Variants in CMTM1 observed in about 807,000 individuals in gnomAD.
CMTM1 encodes the protein CKLF-like MARVEL transmembrane domain-containing protein 1.
In CMTM1, 16 loss-of-function variants were observed where a neutral mutation model predicts 17.8. The observed-to-expected ratio is 0.90, with a 90% CI of 0.61 to 1.37. The LOEUF (loss-of-function observed/expected upper bound fraction) is 1.37, where lower values mean the gene tolerates loss of function less well. CMTM1 is among the 40% of genes most tolerant of loss of function. The probability of loss-of-function intolerance (pLI) is 0.00; values close to 1 mark genes in which losing one functional copy is unlikely to be tolerated. For missense variants in CMTM1, 354 were observed against 375.6 expected (o/e 0.94, Z 0.47); for synonymous variants, 169 against 154.6 (o/e 1.09, Z -0.69).
chr16:66,574,194 G>A (rs1031857441), intron 2 of CMTM1, among the ~76,000 whole-genome samples: 7 of 152,208 alleles, frequency 4.6e-5, no homozygotes, highest in East Asian at 1.9e-4. Context: ...GGTATTTAGC[G>A]GAGAAAGAAA....
At chr16:66,573,039 G>T (rs1163702935) in intron 2 of CMTM1, among the ~76,000 whole-genome samples, 1 of 152,154 alleles carries the variant, frequency 6.6e-6, no homozygotes, top group African/African-American at 2.4e-5. Flanking sequence ...CAGTCTCTGA[G>T]TTGCAGCTGT....
At chr16:66,573,056 T>C (rs1257493703) in intron 2 of CMTM1, among the ~76,000 whole-genome samples, 1 of 152,068 alleles carries the variant, frequency 6.6e-6, no homozygotes, top group African/African-American at 2.4e-5. Flanking sequence ...CTGTGAAGGG[T>C]GTGCCAGGGA....
intron 3 of CMTM1, 95 bp from the exon 4 acceptor site, chr16:66,578,736 G>A (rs377635853): frequency 6.6e-7 from 1 of 1,525,902 alleles, no homozygotes; most frequent in Admixed American, 1.9e-5. Context: ...GCCACCCGCA[G>A]CGCCCACCCT....
rs138006981 is a variant in CMTM1, at chr16:66,571,969, T to C, written c.591+1875T>C. ...GTCACAGGAAGTTCAGCCCAGCTCT[T>C]GCAGGGTTACAGGCCTTTGGTCAAC... On this transcript the variant is annotated intron_variant, in intron 2 of 3. Transcript: ENST00000379500. 5.0e-3 allele frequency among the ~76,000 whole-genome samples: 767 copies of C among 152,360 alleles called. 7 individuals carry two copies. Among genetic ancestry groups the C allele is most frequent in the African/African-American group, 0.018 (744 of 41,574 alleles).
intron 2 of CMTM1, among the ~76,000 whole-genome samples, chr16:66,572,385 G>C (rs535461653): frequency 6.6e-6 from 1 of 152,284 alleles, no homozygotes; most frequent in South Asian, 2.1e-4. Flanking sequence ...TGCTCTTTCA[G>C]ATTCTGTGAG....
At chr16:66,569,560 C>T (rs1053571337) in intron 1 of CMTM1, among the ~76,000 whole-genome samples, 1 of 152,166 alleles carries the variant, frequency 6.6e-6, no homozygotes, top group Non-Finnish European at 1.5e-5. Flanking sequence ...AGATAATCAG[C>T]AGCTGTTTGG....
chr16:66,579,101 G>T lies in CMTM1; in HGVS notation c.*100G>T. 6.8e-7 allele frequency: 1 copy of T among 1,466,460 alleles called. No individual in the cohort carries two copies. The highest frequency in any genetic ancestry group is 9.1e-7 in the Non-Finnish European group (1 of 1,100,912). 90.8% of individuals were successfully genotyped at this position (1,466,460 alleles called of 1,614,324 possible). ...CTGTCACCCATTCCAGCCTAAATGTGACCATAAAATTAGGGCTGCTGCTTT... is the reference window on the plus strand; with the variant it reads ...CTGTCACCCATTCCAGCCTAAATGTTACCATAAAATTAGGGCTGCTGCTTT... On this transcript the variant is annotated 3_prime_UTR_variant, in exon 4 of 4. Transcript: ENST00000379500. The surrounding 1 kb of genome is among the most constrained non-coding windows in gnomAD (Gnocchi z 6.5).
At chr16:66,571,360 G>A in intron 2 of CMTM1, 1 of 356,096 alleles carries the variant, frequency 2.8e-6, no homozygotes, top group Non-Finnish European at 5.5e-6. Context: ...GTGAGGTTAT[G>A]GTCACCCCTC....
chr16:66,578,152 G>T (rs552834229), intron 3 of CMTM1, among the ~76,000 whole-genome samples: 1 of 152,146 alleles, frequency 6.6e-6, no homozygotes, highest in South Asian at 2.1e-4. Flanking sequence ...GGTCCCCATC[G>T]GCTGACTCCG....
Position 66,566,456 on chromosome 16 carries a change from G to A in CMTM1, c.-58G>A. 7 of 1,504,132 alleles carry A rather than the reference G, an allele frequency of 4.7e-6. No homozygotes were observed. The highest frequency in any genetic ancestry group is 2.9e-5 in the African/African-American group (2 of 70,062). The allele number at this position is 1,504,132 out of a possible 1,614,324, so 93.2% of individuals were successfully genotyped here. ...GTTGGGACGCGACGCTGGTTCCCAG[G>A]GGAGAGCCAGCCGCTGCCGCGGCAC... On this transcript the variant is annotated 5_prime_UTR_variant, in exon 1 of 4. Coordinates refer to ENST00000379500, the MANE Select transcript of CMTM1 (RefSeq NM_052999.4). This position sits in a 1 kb window ranked among gnomAD's most constrained non-coding sequence, Gnocchi z 4.9.
At chr16:66,577,001 G>GT (rs1567378745) in intron 2 of CMTM1, 103 bp from the exon 3 acceptor site, 14 of 997,916 alleles carry the variant, frequency 1.4e-5, no homozygotes, top group South Asian at 3.5e-5. Context: ...CAAATGGAAG[G>GT]TTTTTTAAAG....
At chr16:66,567,125 A>G (rs935036468) in intron 1 of CMTM1, 180 bp downstream of exon 1, 4 of 674,140 alleles carry the variant, frequency 5.9e-6, no homozygotes, top group African/African-American at 1.9e-5. Flanking sequence ...CTTTCCTACT[A>G]AACTTGCCTC....
chr16:66,567,084 C>A, intron 1 of CMTM1, 139 bp downstream of exon 1: 1 of 810,796 alleles, frequency 1.2e-6, no homozygotes, highest in South Asian at 1.4e-5. Context: ...ACCTTTCCTC[C>A]CCACCACCCC....
chr16:66,567,391 G>C, intron 1 of CMTM1: 1 of 285,838 alleles, frequency 3.5e-6, no homozygotes, highest in Non-Finnish European at 6.8e-6. Context: ...TCACTTATGA[G>C]TGAGAACATG....
intron 1 of CMTM1, 75 bp downstream of exon 1, chr16:66,567,020 C>G (rs2012554091): frequency 6.7e-7 from 1 of 1,485,044 alleles, no homozygotes; most frequent in African/African-American, 1.4e-5. Flanking sequence ...CCACGGGGTG[C>G]CAGCTCCAGA....
At chr16:66,578,558 C>T (rs1184271174) in intron 3 of CMTM1, among the ~76,000 whole-genome samples, 1 of 152,216 alleles carries the variant, frequency 6.6e-6, no homozygotes, top group African/African-American at 2.4e-5. Context: ...CCTAGGGCCA[C>T]TGCCCTTCCC....
chr16:66,575,001 G>A (rs922026988), intron 2 of CMTM1: 2 of 985,210 alleles, frequency 2.0e-6, no homozygotes, highest in Non-Finnish European at 2.4e-6. Flanking sequence ...TGCCCACTAT[G>A]GGCAGACCTC....
At chr16:66,573,784 T>C (rs2013882608) in intron 2 of CMTM1, among the ~76,000 whole-genome samples, 1 of 150,884 alleles carries the variant, frequency 6.6e-6, no homozygotes, top group South Asian at 2.1e-4. Context: ...CCTCCCAGGT[T>C]CAAGCAATTC....
intron 1 of CMTM1, chr16:66,567,348 T>A (rs1023894905): frequency 1.6e-5 from 5 of 314,010 alleles, no homozygotes; most frequent in African/African-American, 1.1e-4. Flanking sequence ...GATGTTCCCC[T>A]CCCTGTGTCC....
Sources: allele counts gnomAD v4.1 joint callset (sites outside exome capture counted in the v4.1 genomes callset), GRCh38; gene constraint gnomAD v4.1.1; non-coding constraint Gnocchi (gnomAD v3.1); transcripts MANE v1.5; gene names NCBI Gene and HGNC (gene_info 2026-07-23, HGNC 2026-07-21).